ERAP2: variants seen among roughly 807,000 people sequenced by gnomAD.
ERAP2 encodes endoplasmic reticulum aminopeptidase 2, also known as leukocyte-derived arginine aminopeptidase.
A neutral mutation model predicts 111.1 loss-of-function variants in ERAP2; 118 were observed. The ratio of observed to expected loss-of-function variants is 1.06; its 90% CI spans 0.92 to 1.24. The LOEUF (loss-of-function observed/expected upper bound fraction) is 1.24, where lower values mean the gene tolerates loss of function less well. ERAP2 is among the 50% of genes most tolerant of loss of function. ERAP2 has a pLI of 0.00. For synonymous variants in ERAP2, 410 were observed against 401.2 expected (o/e 1.02, Z -0.26); for missense variants, 1,131 against 1,125.8 (o/e 1.00, Z -0.07).
At chr5:96,880,620 G>C (rs940613035) in intron 2 of ERAP2, among the ~76,000 whole-genome samples, 1 of 152,248 alleles carries the variant, frequency 6.6e-6, no homozygotes, top group Non-Finnish European at 1.5e-5. Context: ...ATGTAAGTGA[G>C]ACTGGGATTG....
intron 18 of ERAP2, among the ~76,000 whole-genome samples, chr5:96,916,881 T>C (rs918322758): frequency 6.6e-6 from 1 of 152,118 alleles, no homozygotes; most frequent in Admixed American, 6.6e-5. Flanking sequence ...AGCTCACCAT[T>C]TACTCTATGA....
intron 5 of ERAP2, chr5:96,889,584 T>C: frequency 3.0e-6 from 2 of 672,896 alleles, no homozygotes; most frequent in Non-Finnish European, 5.3e-6. Context: ...GGGCACACAC[T>C]GGAGGCTGGG....
rs1050717088 is a variant in ERAP2 at position 96,893,440 on chromosome 5, C to T, written c.1125+987C>T. Among the ~76,000 whole-genome samples the T allele has an allele frequency of 3.4e-4, 51 of 152,174 alleles. 1 individual carries two copies. The highest frequency in any genetic ancestry group is 7.3e-5 in the Non-Finnish European group (5 of 68,034). ...GAGAGCCATGCTCAACACTGTGCTT[C>T]GAGAACACATGGGCTGCTTCCTTTG... On this transcript the variant is annotated intron_variant, in intron 6 of 18. Transcript: ENST00000437043.
At chr5:96,904,905 A>C (rs939730599) in intron 13 of ERAP2, among the ~76,000 whole-genome samples, 1 of 152,216 alleles carries the variant, frequency 6.6e-6, no homozygotes, top group East Asian at 1.9e-4. Context: ...TAAGAATACA[A>C]ATTTTATATG....
At chr5:96,906,197 T>TTCC (rs1786061454) in intron 13 of ERAP2, among the ~76,000 whole-genome samples, 1 of 151,798 alleles carries the variant, frequency 6.6e-6, no homozygotes. Flanking sequence ...TTTTTTTTTC[T>TTCC]TCCTCCCCCT....
At chr5:96,889,359 G>T (rs758781200) in intron 5 of ERAP2, 54 bp downstream of exon 5, 8 of 1,588,266 alleles carry the variant, frequency 5.0e-6, no homozygotes, top group South Asian at 1.1e-5. Flanking sequence ...AACTTGCTTT[G>T]ATCTCTTCCC....
chr5:96,885,153 C>A (rs1783597132), intron 3 of ERAP2, among the ~76,000 whole-genome samples: 1 of 152,194 alleles, frequency 6.6e-6, no homozygotes, highest in Admixed American at 6.5e-5. Flanking sequence ...CTGCCACCAG[C>A]CTTCTAGTAG....
rs1787025648 is a variant in ERAP2 at position 96,913,423 on chromosome 5, T to G, written c.2623T>G (p.Phe875Val). ...AAAGGGGCAGCAACTAGCATGGGAT[T>G]TTGTAAGAGAAAATTGGACCCATCT... is the stretch of plus-strand genomic sequence containing the variant. ...RPKGQQLAWD[F>V]VRENWTHLLK... Residue 875 changes from phenylalanine to valine, a missense_variant, in exon 17 of 19, where the codon TTT (phenylalanine) becomes GTT (valine). Physicochemically the swap from Phe to Val is conservative, Grantham distance 50 (BLOSUM62 -1). Coordinates refer to ENST00000437043, the MANE Select transcript of ERAP2 (RefSeq NM_022350.5). The G allele has an allele frequency of 6.2e-7, 1 of 1,614,044 alleles. No homozygotes were observed. The highest frequency in any genetic ancestry group is 1.3e-5 in the African/African-American group (1 of 74,924).
chr5:96,886,561 G>A, intron 3 of ERAP2, 94 bp from the exon 4 acceptor site: 1 of 1,127,312 alleles, frequency 8.9e-7, no homozygotes, highest in Non-Finnish European at 1.2e-6. Context: ...TTCAGAGTAT[G>A]AGGCTTGCCT....
At chr5:96,877,475 A>T (rs1307846018) in intron 1 of ERAP2, among the ~76,000 whole-genome samples, 2 of 152,180 alleles carry the variant, frequency 1.3e-5, no homozygotes, top group East Asian at 3.8e-4. Context: ...CTCAATAATA[A>T]TTTCATATCC....
At chr5:96,876,219 A>G (rs1782512277), upstream of ERAP2, 1 of 152,292 alleles carries the variant, frequency 6.6e-6, no homozygotes, top group African/African-American at 2.4e-5. Flanking sequence ...AACATAAACT[A>G]TGTTCTGAAG....
chr5:96,895,649 T>C (rs915063522), intron 7 of ERAP2, among the ~76,000 whole-genome samples: 6 of 152,298 alleles, frequency 3.9e-5, no homozygotes, highest in Admixed American at 3.3e-4. Context: ...ACTGTTTGTA[T>C]ACATCTGCAC....
chr5:96,879,406 A>G (rs1782909547), intron 1 of ERAP2, among the ~76,000 whole-genome samples, 158 bp from the exon 2 acceptor site: 3 of 152,348 alleles, frequency 2.0e-5, no homozygotes, highest in Middle Eastern at 6.8e-3. Context: ...TAATAACCAG[A>G]TAACAGCTTA....
Position 96,914,148 on chromosome 5 carries a change from T to TCTCACACACACACACACACACA in ERAP2, c.2657+692_2657+693insTCACACACACACACACACACAC, listed in dbSNP as rs34158080. ...CTTTCTGTCTCTCTCTCTCTCTCTC[T>TCTCACACACACACACACACACA]CACACACACACACACACACAATCAC... On this transcript the variant is annotated intron_variant, in intron 17 of 18. Transcript: ENST00000437043. Among the ~76,000 whole-genome samples the TCTCACACACACACACACACACA allele has an allele frequency of 4.5e-3, 671 of 148,028 alleles. 16 individuals are homozygous for TCTCACACACACACACACACACA. In the South Asian group the frequency reaches 0.048, roughly 11 times the overall value.
intron 2 of ERAP2, among the ~76,000 whole-genome samples, chr5:96,882,773 C>A (rs1783287283): frequency 6.6e-6 from 1 of 151,992 alleles, no homozygotes. Flanking sequence ...TCATTTACAT[C>A]CCTAGCCTCA....
At chr5:96,893,371 A>C (rs1346707777) in intron 6 of ERAP2, among the ~76,000 whole-genome samples, 1 of 152,160 alleles carries the variant, frequency 6.6e-6, no homozygotes, top group East Asian at 1.9e-4. Context: ...CACAATAATG[A>C]GCTGTTGTTC....
At chr5:96,877,958 A>C (rs1395734744) in intron 1 of ERAP2, among the ~76,000 whole-genome samples, 3 of 152,238 alleles carry the variant, frequency 2.0e-5, no homozygotes, top group Non-Finnish European at 4.4e-5. Flanking sequence ...TTAATGCTGC[A>C]GAACTTGTTA....
chr5:96,905,423 G>T (rs1316905161), intron 13 of ERAP2, among the ~76,000 whole-genome samples: 1 of 152,074 alleles, frequency 6.6e-6, no homozygotes, highest in African/African-American at 2.4e-5. Context: ...ATTTCTAGTT[G>T]TTCTGAAATT....
chr5:96,903,076 G>A (rs192927037), intron 12 of ERAP2, among the ~76,000 whole-genome samples: 66 of 152,174 alleles, frequency 4.3e-4, no homozygotes, highest in African/African-American at 7.0e-4. Context: ...CCAAATTCCC[G>A]TCATGCTAGT....
Sources: allele counts gnomAD v4.1 joint callset (sites outside exome capture counted in the v4.1 genomes callset), GRCh38; gene constraint gnomAD v4.1.1; transcripts MANE v1.5; gene names NCBI Gene and HGNC (gene_info 2026-07-23, HGNC 2026-07-21).